ODAD2: variants seen among roughly 807,000 people sequenced by gnomAD.
ODAD2 encodes outer dynein arm-docking complex subunit 2.
ODAD2 carries 89 observed loss-of-function variants against 106.8 expected under a neutral mutation model. The observed-to-expected ratio is 0.83, with a 90% CI of 0.70 to 0.99. The LOEUF (loss-of-function observed/expected upper bound fraction) is 0.99. Among genes scored for constraint, ODAD2 ranks in the 50% least tolerant of loss-of-function variants. The pLI is 0.00. For missense variants in ODAD2, 1,168 were observed against 1,238.5 expected, an observed-to-expected ratio of 0.94 and a Z score of 0.85; for synonymous variants, 404 against 436.2, an observed-to-expected ratio of 0.93 and a Z score of 0.92.
At chr10:27,999,366 G>T (rs930896412), upstream of ODAD2, among the ~76,000 whole-genome samples, 1 of 152,100 alleles carries the variant, frequency 6.6e-6, no homozygotes, top group African/African-American at 2.4e-5. Context: ...CAAGTGCGTT[G>T]TATGTACCTG....
chr10:27,966,436 T>A (rs1848493105), intron 9 of ODAD2, among the ~76,000 whole-genome samples: 1 of 152,168 alleles, frequency 6.6e-6, no homozygotes, highest in Admixed American at 6.6e-5. Flanking sequence ...CACTCCACAA[T>A]CCCATTTTAA....
In ODAD2 at chr10:27,949,933, G is replaced by A. The variant is rs192518006; in HGVS notation, c.1387-4971C>T. ...GTAGATGAAACTCCAACTCTGTTGG[G>A]CAACACGCTTGCAGGGTCATCATTT... On this transcript the variant is annotated intron_variant, in intron 10 of 19. Transcript: ENST00000305242. Among the ~76,000 whole-genome samples the A allele has an allele frequency of 2.6e-3, 399 of 152,082 alleles. 1 individual carries two copies. Among genetic ancestry groups the A allele is most frequent in the African/African-American group, 9.3e-3 (384 of 41,474 alleles).
At chr10:27,960,325 T>C (rs1324867256) in intron 10 of ODAD2, among the ~76,000 whole-genome samples, 102 of 110,440 alleles carry the variant, frequency 9.2e-4, no homozygotes, top group African/African-American at 3.9e-3. Context: ...TTATTATTAT[T>C]ATTATTATTA....
At chr10:27,916,241 G>A (rs1483298991) in intron 16 of ODAD2, among the ~76,000 whole-genome samples, 1 of 152,078 alleles carries the variant, frequency 6.6e-6, no homozygotes. Flanking sequence ...GACATACTAG[G>A]GGAAGGTGGC....
intron 3 of ODAD2, 52 bp from the exon 4 acceptor site, chr10:27,985,263 A>G: frequency 5.2e-6 from 7 of 1,353,954 alleles, no homozygotes; most frequent in Non-Finnish European, 6.9e-6. Context: ...CTTGTCTTCT[A>G]GTACAACAAA....
At chr10:27,824,996 T>G (rs1836926634) in intron 19 of ODAD2, among the ~76,000 whole-genome samples, 1 of 152,146 alleles carries the variant, frequency 6.6e-6, no homozygotes, top group Admixed American at 6.5e-5. Context: ...AAATGACACC[T>G]CAAAAGGGAC....
At chr10:27,953,137 T>TC (rs1439055223) in intron 10 of ODAD2, among the ~76,000 whole-genome samples, 1 of 152,194 alleles carries the variant, frequency 6.6e-6, no homozygotes, top group Admixed American at 6.5e-5. Context: ...TGAAAACATG[T>TC]CCTTTGTCTC....
intron 9 of ODAD2, among the ~76,000 whole-genome samples, chr10:27,963,877 T>A (rs550819320): frequency 3.3e-5 from 5 of 152,308 alleles, no homozygotes; most frequent in South Asian, 2.1e-4. Context: ...ATTTTAATTC[T>A]CTCAACAATC....
intron 7 of ODAD2, among the ~76,000 whole-genome samples, chr10:27,980,395 G>A (rs1564572738): frequency 6.6e-6 from 1 of 152,054 alleles, no homozygotes; most frequent in African/African-American, 2.4e-5. Flanking sequence ...AAAGTTATAA[G>A]GCAACCTGCA....
At chr10:27,983,780 A>C (rs1191676298) in intron 6 of ODAD2, 63 bp downstream of exon 6, 2 of 1,474,326 alleles carry the variant, frequency 1.4e-6, no homozygotes, top group South Asian at 1.2e-5. Context: ...CACACCCTTG[A>C]GACATCTACA....
chr10:27,964,465 T>C (rs1848361758), intron 9 of ODAD2, among the ~76,000 whole-genome samples: 1 of 152,206 alleles, frequency 6.6e-6, no homozygotes, highest in Non-Finnish European at 1.5e-5. Context: ...TTCTGTATTA[T>C]CAGGCATATT....
At chr10:27,834,666 G>A (rs1297187049) in intron 19 of ODAD2, among the ~76,000 whole-genome samples, 1 of 152,202 alleles carries the variant, frequency 6.6e-6, no homozygotes, top group Non-Finnish European at 1.5e-5. Flanking sequence ...GCAAAGGGAA[G>A]CCATGCTAGT....
At chr10:27,963,569 C>T (rs1848288267) in intron 9 of ODAD2, among the ~76,000 whole-genome samples, 1 of 152,050 alleles carries the variant, frequency 6.6e-6, no homozygotes, top group African/African-American at 2.4e-5. Context: ...ACTCTGAAAT[C>T]CAAAAAGCTC....
intron 19 of ODAD2, among the ~76,000 whole-genome samples, chr10:27,819,321 G>A (rs1836405558): frequency 6.6e-6 from 1 of 152,094 alleles, no homozygotes; most frequent in Admixed American, 6.6e-5. Context: ...AAGAGTTTGA[G>A]GGGTTTGGAG....
intron 2 of ODAD2, among the ~76,000 whole-genome samples, chr10:27,994,488 A>G (rs1165476990): frequency 6.6e-6 from 1 of 152,110 alleles, no homozygotes; most frequent in Non-Finnish European, 1.5e-5. Context: ...CTAGCATTGT[A>G]GAAGGCTGAG....
rs1034185150 is a variant in ODAD2, at chr10:27,940,955, C to T, written c.1744-150G>A. ...CACTTTTCGTACTCCATAGCAGCCA[C>T]GGAAAGCAAAGAAACAAAACCCTAC... On this transcript the variant is annotated intron_variant, in intron 12 of 19. Transcript: ENST00000305242. 3.1e-5 allele frequency: 26 copies of T among 826,862 alleles called. No homozygotes were observed. The East Asian group carries it at 3.8e-4, about 12-fold the overall frequency. The allele number at this position is 826,862 out of a possible 1,614,324, so 51.2% of individuals were successfully genotyped here. A position where few individuals can be genotyped will look rare whatever the true frequency, so the allele number is the denominator to read the frequency against.
chr10:27,904,017 A>T (rs1285423779), intron 17 of ODAD2, among the ~76,000 whole-genome samples: 1 of 152,234 alleles, frequency 6.6e-6, no homozygotes, highest in East Asian at 1.9e-4. Context: ...ACCTGTTGCC[A>T]AAAAGGGTAT....
intron 17 of ODAD2, among the ~76,000 whole-genome samples, chr10:27,884,971 A>G (rs1261970139): frequency 6.6e-6 from 1 of 152,120 alleles, no homozygotes. Context: ...AAACTGAGAG[A>G]AGTGGCTGTT....
intron 17 of ODAD2, among the ~76,000 whole-genome samples, chr10:27,902,213 A>C (rs1457289609): frequency 6.6e-6 from 1 of 152,232 alleles, no homozygotes; most frequent in East Asian, 1.9e-4. Context: ...ACTACTGGGT[A>C]AATAACGAAA....
Sources: gnomAD v4.1 joint callset for allele counts (sites outside exome capture counted in the v4.1 genomes callset) on GRCh38, gnomAD v4.1.1 for gene constraint, MANE v1.5 for transcripts, NCBI Gene and HGNC (gene_info 2026-07-23, HGNC 2026-07-21) for gene names.